ZNF707: variants seen among roughly 807,000 people sequenced by gnomAD.
ZNF707 encodes the protein zinc finger protein 707.
In ZNF707, 8 loss-of-function variants were observed where a neutral mutation model predicts 13.3. That is an observed-to-expected ratio of 0.60 (90% CI 0.35 to 1.09). The LOEUF (loss-of-function observed/expected upper bound fraction) is 1.09, where lower values mean the gene tolerates loss of function less well. Among genes scored for constraint, ZNF707 ranks in the 50% least tolerant of loss-of-function variants. The pLI is 0.02. For synonymous variants in ZNF707, 225 were observed against 205.6 expected (o/e 1.09, Z -0.81); for missense variants, 530 against 512.6 (o/e 1.03, Z -0.33).
In ZNF707 at chr8:143,692,446, C is replaced by T. The variant is rs534999896; in HGVS notation, c.256+733C>T. 890 of 454,226 alleles carry T rather than the reference C, an allele frequency of 2.0e-3. 3 individuals are homozygous for T. The highest frequency in any genetic ancestry group is 0.016 in the African/African-American group (734 of 45,162). 28.1% of individuals were successfully genotyped at this position (454,226 alleles called of 1,614,324 possible). ...CCCGGCTGGGGAGGTGTCGGATCCC[C>T]GGGTGTGTGGAGCCCCCGGCTGGGG... On this transcript the variant is annotated intron_variant, in intron 5 of 5. Coordinates refer to ENST00000358656, the MANE Select transcript of ZNF707 (RefSeq NM_001100598.2).
intron 1 of ZNF707, 176 bp from the exon 2 acceptor site, chr8:143,689,028 C>T (rs1489089660): frequency 6.6e-6 from 1 of 152,270 alleles, no homozygotes; most frequent in African/African-American, 2.4e-5. Context: ...AAGATCAGTA[C>T]TGTGCTTCCG....
intron 3 of ZNF707, 137 bp downstream of exon 3, chr8:143,690,260 T>A: frequency 1.7e-6 from 2 of 1,182,452 alleles, no homozygotes; most frequent in Non-Finnish European, 2.4e-6. Flanking sequence ...CCTTCTCTCT[T>A]AAGGGGTGGG....
intron 1 of ZNF707, chr8:143,688,664 A>C (rs1405384981): frequency 8.1e-6 from 1 of 124,074 alleles, no homozygotes; most frequent in South Asian, 2.4e-4. Context: ...TTTTTCAGAC[A>C]GCGTCTCAGT....
In ZNF707 at chr8:143,692,093, C is replaced by T. The variant is rs540178171; in HGVS notation, c.256+380C>T. 27 of 1,336,780 alleles carry T rather than the reference C, an allele frequency of 2.0e-5. No individual in the cohort carries two copies. The South Asian group carries it at 2.3e-4, about 12-fold the overall frequency. The allele number at this position is 1,336,780 out of a possible 1,614,324, so 82.8% of individuals were successfully genotyped here. A position where few individuals can be genotyped will look rare whatever the true frequency, so the allele number is the denominator to read the frequency against. On this transcript the variant is annotated intron_variant, in intron 5 of 5. Transcript: ENST00000358656. ...GGTCCCAGGCCTGGTACTGACTGCA[C>T]GTGAGGGTCTCCAGGTATGTGGCTC... is the stretch of plus-strand genomic sequence containing the variant.
intron 1 of ZNF707, among the ~76,000 whole-genome samples, chr8:143,685,579 C>A (rs1433661847): frequency 6.7e-6 from 1 of 149,372 alleles, no homozygotes; most frequent in Non-Finnish European, 1.5e-5. Flanking sequence ...GTGGCTGACG[C>A]CTGTAACCCC....
In ZNF707 at chr8:143,693,779, A is replaced by T. The variant is rs1817062162; in HGVS notation, c.365A>T (p.Lys122Met). The change falls in exon 6 of 6, where the codon AAG becomes ATG. Residue 122 changes from lysine (K) to methionine (M), a missense_variant. Physicochemically the swap from Lys to Met is moderately conservative, Grantham distance 95. Coordinates refer to ENST00000358656, the MANE Select transcript of ZNF707 (RefSeq NM_001100598.2). The surrounding 1 kb of genome is among the most constrained non-coding windows in gnomAD (Gnocchi z 4.1). ...ERAREGSSFRKGFRLDTDDGQ... is the reference protein window; with the variant it reads ...ERAREGSSFRMGFRLDTDDGQ... ...GCCAGGGAAGGAAGCAGCTTTAGGAAGGGCTTCAGGCTGGACACGGATGAC... is the reference window on the plus strand; with the variant it reads ...GCCAGGGAAGGAAGCAGCTTTAGGATGGGCTTCAGGCTGGACACGGATGAC... The T allele has an allele frequency of 6.2e-7, 1 of 1,613,098 alleles. No individual in the cohort carries two copies. Among genetic ancestry groups the T allele is most frequent in the African/African-American group, 1.3e-5 (1 of 75,070 alleles).
Position 143,691,350 on chromosome 8 carries a change from G to T in ZNF707, c.142+151G>T. 5.2e-6 allele frequency: 7 copies of T among 1,339,072 alleles called. No individual in the cohort carries two copies. In the South Asian group the frequency reaches 1.1e-4, roughly 21 times the overall value. The allele number at this position is 1,339,072 out of a possible 1,614,324, so 82.9% of individuals were successfully genotyped here. The stretch of plus-strand genomic sequence containing the variant: ...AGTTATTGGCTTATGTAGACAGAGG[G>T]GCCCACTCAGCGTTTCTCTCGGGCT... On this transcript the variant is annotated intron_variant, in intron 4 of 5. Transcript: ENST00000358656.
chr8:143,686,065 G>C (rs1348134181), intron 1 of ZNF707, among the ~76,000 whole-genome samples: 1 of 152,000 alleles, frequency 6.6e-6, no homozygotes, highest in African/African-American at 2.4e-5. Flanking sequence ...AAACACAGCT[G>C]TTGAGCTGAG....
chr8:143,693,257 C>T lies in ZNF707; in HGVS notation c.257-414C>T, dbSNP rs568398268. Among the ~76,000 whole-genome samples, 7 of 151,810 alleles carry T rather than the reference C, an allele frequency of 4.6e-5. No individual in the cohort carries two copies. The South Asian group carries it at 1.2e-3, about 27-fold the overall frequency. On this transcript the variant is annotated intron_variant, in intron 5 of 5. Coordinates refer to ENST00000358656, the MANE Select transcript of ZNF707 (RefSeq NM_001100598.2). This position sits in a 1 kb window ranked among gnomAD's most constrained non-coding sequence, Gnocchi z 4.1. ...AGCTGAGTCAATGGAAGCCAGTCCA[C>T]GCACACAGCAGGAGGGTCCTCTGGG...
chr8:143,694,124 G>A lies in ZNF707; in HGVS notation c.710G>A (p.Cys237Tyr), dbSNP rs1554614595. 2 of 1,599,374 alleles carry A rather than the reference G, an allele frequency of 1.3e-6. No homozygotes were observed. The highest frequency in any genetic ancestry group is 4.5e-5 in the East Asian group (2 of 44,450). Residue 237 changes from cysteine to tyrosine, a missense_variant, in exon 6 of 6, where the codon TGC becomes TAC. Cys to Tyr is a radical substitution (Grantham distance 194, BLOSUM62 -2). Transcript: ENST00000358656. The surrounding 1 kb of genome is among the most constrained non-coding windows in gnomAD (Gnocchi z 4.4). ...TREKPFCCEA[C>Y]GQAFSLKDRL... Reference sequence around the variant, plus strand: ...GAGAAGCCCTTCTGCTGCGAGGCCTGCGGGCAGGCGTTCAGCCTGAAGGAC... The same window carrying A: ...GAGAAGCCCTTCTGCTGCGAGGCCTACGGGCAGGCGTTCAGCCTGAAGGAC...
chr8:143,690,864 CT>C, intron 3 of ZNF707: 1 of 665,828 alleles, frequency 1.5e-6, no homozygotes, highest in Non-Finnish European at 2.5e-6. Flanking sequence ...GGGCCCCTCC[CT>C]TCTGACCTCA....
At chr8:143,685,078 T>G (rs1816136677) in intron 1 of ZNF707, 1 of 152,246 alleles carries the variant, frequency 6.6e-6, no homozygotes, top group African/African-American at 2.4e-5. Flanking sequence ...GTGCGTTAGC[T>G]CCATAACTGA....
intron 1 of ZNF707, chr8:143,686,860 A>C (rs2131505565): frequency 6.9e-6 from 1 of 145,954 alleles, no homozygotes; most frequent in African/African-American, 2.5e-5. Context: ...AATTCTGATA[A>C]ATCCAATTTG....
chr8:143,694,036 G>C lies in ZNF707; in HGVS notation c.622G>C (p.Glu208Gln). 2 of 1,606,604 alleles carry C rather than the reference G, an allele frequency of 1.2e-6. No individual in the cohort carries two copies. The highest frequency in any genetic ancestry group is 8.5e-7 in the Non-Finnish European group (1 of 1,177,614). The change falls in exon 6 of 6, where the codon GAG becomes CAG. Residue 208 changes from glutamate (E) to glutamine (Q), a missense_variant. Transcript: ENST00000358656. The surrounding 1 kb of genome is among the most constrained non-coding windows in gnomAD (Gnocchi z 4.4). ...GGGAACCAAGGCCTTCGAGTGCCCCGAGTGCGGCCAGACCTTCCGGTGGGC... is the reference window on the plus strand; with the variant it reads ...GGGAACCAAGGCCTTCGAGTGCCCCCAGTGCGGCCAGACCTTCCGGTGGGC... Reference protein sequence around the residue: ...HTGTKAFECPECGQTFRWASN... With the variant: ...HTGTKAFECPQCGQTFRWASN...
intron 1 of ZNF707, among the ~76,000 whole-genome samples, chr8:143,685,453 G>C (rs1034962792): frequency 2.0e-5 from 3 of 150,480 alleles, no homozygotes; most frequent in African/African-American, 7.3e-5. Flanking sequence ...TTGAACCCAA[G>C]AGGCAGAGGT....
chr8:143,686,123 C>A (rs575700530), intron 1 of ZNF707, among the ~76,000 whole-genome samples: 1 of 150,926 alleles, frequency 6.6e-6, no homozygotes, highest in Non-Finnish European at 1.5e-5. Context: ...TTTTTGAGAT[C>A]GTCTCGCTCT....
chr8:143,694,954 C>G lies in ZNF707; in HGVS notation c.*424C>G, dbSNP rs959362240. 2.8e-5 allele frequency: 5 copies of G among 181,288 alleles called. No individual in the cohort carries two copies. The highest frequency in any genetic ancestry group is 2.3e-3 in the Middle Eastern group (1 of 444). The allele number at this position is 181,288 out of a possible 1,614,324, so 11.2% of individuals were successfully genotyped here. ...GGCTCTGCACCCCATGCTGGCTGCCCGGTCTGGCTTCCCTTCTTGTCTCTG... is the reference window on the plus strand; with the variant it reads ...GGCTCTGCACCCCATGCTGGCTGCCGGGTCTGGCTTCCCTTCTTGTCTCTG... On this transcript the variant is annotated 3_prime_UTR_variant, in exon 6 of 6. Transcript: ENST00000358656. This position sits in a 1 kb window ranked among gnomAD's most constrained non-coding sequence, Gnocchi z 4.4.
At position 143,690,831 on chromosome 8, in the gene ZNF707, G is replaced by A; in HGVS notation, c.16-242G>A. 5.4e-6 allele frequency: 3 copies of A among 558,526 alleles called. No homozygotes were observed. In the South Asian group the frequency reaches 7.9e-5, roughly 15 times the overall value. 34.6% of individuals were successfully genotyped at this position (558,526 alleles called of 1,614,324 possible). On this transcript the variant is annotated intron_variant, in intron 3 of 5. Coordinates refer to ENST00000358656, the MANE Select transcript of ZNF707 (RefSeq NM_001100598.2). ...GCCGGGGGGCTCTCTGGAGTCTCCT[G>A]TGAGGACCAGGTCCATGGGTCAGGG... is the stretch of plus-strand genomic sequence containing the variant.
intron 5 of ZNF707, 173 bp downstream of exon 5, chr8:143,691,886 G>A: frequency 4.1e-6 from 4 of 984,872 alleles, no homozygotes; most frequent in Non-Finnish European, 6.1e-6. Context: ...CCACGCTCCT[G>A]CCCTGATGGA....
Sources: allele counts gnomAD v4.1 joint callset (sites outside exome capture counted in the v4.1 genomes callset), GRCh38; gene constraint gnomAD v4.1.1; non-coding constraint Gnocchi (gnomAD v3.1); transcripts MANE v1.5; gene names NCBI Gene and HGNC (gene_info 2026-07-23, HGNC 2026-07-21).